FBXL17: variants seen among roughly 807,000 people sequenced by gnomAD.
The protein encoded by FBXL17 is F-box/LRR-repeat protein 17.
In FBXL17, 22 loss-of-function variants were observed where a neutral mutation model predicts 66.2. The ratio of observed to expected loss-of-function variants is 0.33; its 90% CI spans 0.24 to 0.47. The LOEUF (loss-of-function observed/expected upper bound fraction) is 0.47, where lower values mean the gene tolerates loss of function less well. Among genes scored for constraint, FBXL17 ranks in the 20% least tolerant of loss-of-function variants. The probability of loss-of-function intolerance (pLI) is 1.00; values close to 1 mark genes in which losing one functional copy is unlikely to be tolerated. For missense variants in FBXL17, 878 were observed against 948.2 expected (o/e 0.93, Z 0.97); for synonymous variants, 474 against 400.5 (o/e 1.18, Z -2.19).
At chr5:108,271,592 G>T (rs1247663915) in intron 4 of FBXL17, among the ~76,000 whole-genome samples, 2 of 152,152 alleles carry the variant, frequency 1.3e-5, no homozygotes, top group Admixed American at 6.5e-5. Context: ...AGAACATACT[G>T]GTGGATTAAT....
intron 6 of FBXL17, among the ~76,000 whole-genome samples, chr5:108,063,049 T>C (rs1157471379): frequency 6.6e-6 from 1 of 152,216 alleles, no homozygotes; most frequent in Admixed American, 6.5e-5. Context: ...ACTATTATAG[T>C]AGAAATACAA....
At chr5:108,182,217 C>T (rs542134860) in intron 6 of FBXL17, among the ~76,000 whole-genome samples, 1 of 152,218 alleles carries the variant, frequency 6.6e-6, no homozygotes, top group South Asian at 2.1e-4. Context: ...TTCTGATTTA[C>T]TGGAGGATAA....
Position 108,212,573 on chromosome 5 carries a change from C to T in FBXL17, c.1614+11548G>A, listed in dbSNP as rs1180015743. Among the ~76,000 whole-genome samples the T allele has an allele frequency of 3.9e-5, 6 of 152,332 alleles. No homozygotes were observed. In the East Asian group the frequency reaches 1.2e-3, roughly 29 times the overall value. On this transcript the variant is annotated intron_variant, in intron 5 of 8. Coordinates refer to ENST00000542267, the MANE Select transcript of FBXL17 (RefSeq NM_001163315.3). ...TTTTCCTTCTGACAGTCAGGCCCCT[C>T]TGCTGCTGTCTGCTGGAGTCTGCTG...
intron 4 of FBXL17, among the ~76,000 whole-genome samples, chr5:108,325,454 A>C (rs1759805051): frequency 6.6e-6 from 1 of 152,186 alleles, no homozygotes; most frequent in Non-Finnish European, 1.5e-5. Flanking sequence ...ATTTGATCTT[A>C]AGAATAAATG....
chr5:108,214,040 T>C (rs1045784677), intron 5 of FBXL17, among the ~76,000 whole-genome samples: 3 of 152,210 alleles, frequency 2.0e-5, no homozygotes, highest in Non-Finnish European at 4.4e-5. Context: ...CAAGGTACAG[T>C]TCCAGAAGAT....
intron 6 of FBXL17, among the ~76,000 whole-genome samples, chr5:108,037,904 T>C (rs1198162673): frequency 1.3e-5 from 2 of 152,144 alleles, no homozygotes; most frequent in African/African-American, 4.8e-5. Flanking sequence ...TGTAGTATCT[T>C]GCCCCAAAAT....
At chr5:108,231,460 G>A (rs1247188516) in intron 4 of FBXL17, among the ~76,000 whole-genome samples, 1 of 152,048 alleles carries the variant, frequency 6.6e-6, no homozygotes, top group Non-Finnish European at 1.5e-5. Context: ...ACTAATGTAA[G>A]GTTTTGAGGT....
intron 6 of FBXL17, among the ~76,000 whole-genome samples, chr5:108,181,023 A>G (rs1212220293): frequency 6.6e-6 from 1 of 152,216 alleles, no homozygotes; most frequent in African/African-American, 2.4e-5. Context: ...ATCTATTAAA[A>G]TCAATTAGAT....
intron 7 of FBXL17, among the ~76,000 whole-genome samples, chr5:108,019,760 C>T (rs1418658079): frequency 1.3e-5 from 2 of 151,678 alleles, no homozygotes; most frequent in African/African-American, 4.8e-5. Flanking sequence ...GAGAGATAAC[C>T]ATGTCTAAGT....
intron 8 of FBXL17, chr5:107,880,655 T>C: frequency 1.7e-6 from 2 of 1,198,670 alleles, no homozygotes; most frequent in Non-Finnish European, 2.1e-6. Flanking sequence ...TCTTTCCACC[T>C]TTACTGTTGC....
intron 7 of FBXL17, among the ~76,000 whole-genome samples, chr5:107,953,370 T>C (rs1751562138): frequency 7.9e-6 from 1 of 126,272 alleles, no homozygotes; most frequent in Non-Finnish European, 1.6e-5. Flanking sequence ...ACCACTGCAC[T>C]CCAGCCTGGA....
intron 4 of FBXL17, among the ~76,000 whole-genome samples, chr5:108,246,172 T>G (rs1376821726): frequency 1.3e-5 from 2 of 152,040 alleles, no homozygotes; most frequent in Non-Finnish European, 2.9e-5. Flanking sequence ...CTCTCCCCCC[T>G]CCTCATAATT....
intron 4 of FBXL17, among the ~76,000 whole-genome samples, chr5:108,286,183 T>C (rs891074062): frequency 2.0e-5 from 3 of 151,950 alleles, no homozygotes; most frequent in Non-Finnish European, 4.4e-5. Flanking sequence ...ACAGCCAACA[T>C]CATACTGAAT....
intron 6 of FBXL17, among the ~76,000 whole-genome samples, chr5:108,044,804 T>A (rs554667278): frequency 1.3e-5 from 2 of 152,306 alleles, no homozygotes; most frequent in East Asian, 3.9e-4. Flanking sequence ...AAATTATCGA[T>A]GCAATTTCCT....
chr5:107,996,697 C>A (rs114177100), intron 7 of FBXL17, among the ~76,000 whole-genome samples: 1,860 of 152,246 alleles, frequency 0.012, 40 homozygotes, highest in African/African-American at 0.04. Flanking sequence ...TATATTTTAT[C>A]ATTAATTCTT....
At chr5:108,231,000 T>C (rs548354629) in intron 4 of FBXL17, among the ~76,000 whole-genome samples, 6 of 152,096 alleles carry the variant, frequency 3.9e-5, no homozygotes, top group Non-Finnish European at 8.8e-5. Context: ...TAAATCTTAA[T>C]CAGCATTTTA....
At chr5:108,026,606 G>A (rs1217166586) in intron 6 of FBXL17, among the ~76,000 whole-genome samples, 1 of 152,086 alleles carries the variant, frequency 6.6e-6, no homozygotes, top group African/African-American at 2.4e-5. Context: ...TATACCACAG[G>A]GGCAAAGACT....
chr5:108,320,288 A>G (rs771580751), intron 4 of FBXL17, among the ~76,000 whole-genome samples: 7 of 151,736 alleles, frequency 4.6e-5, no homozygotes, highest in Non-Finnish European at 1.0e-4. Context: ...TAAAAAAATA[A>G]ATTCTTACTA....
chr5:107,986,187 T>C (rs1169963859), intron 7 of FBXL17, among the ~76,000 whole-genome samples: 1 of 152,124 alleles, frequency 6.6e-6, no homozygotes, highest in African/African-American at 2.4e-5. Flanking sequence ...TAGTTTAATA[T>C]CTGATACAGG....
Sources: allele counts gnomAD v4.1 joint callset (sites outside exome capture counted in the v4.1 genomes callset), GRCh38; gene constraint gnomAD v4.1.1; transcripts MANE v1.5; gene names NCBI Gene and HGNC (gene_info 2026-07-23, HGNC 2026-07-21).